The following ZZZ3 variants were observed in gnomAD, a reference collection of about 807,000 sequenced individuals.
ZZZ3 encodes zinc finger ZZ-type containing 3.
A neutral mutation model predicts 95.2 loss-of-function variants in ZZZ3; 22 were observed. The ratio of observed to expected loss-of-function variants is 0.23; its 90% CI spans 0.17 to 0.33. The LOEUF (loss-of-function observed/expected upper bound fraction) is 0.33. ZZZ3 is among the 10% of genes least tolerant of loss of function. The pLI is 1.00. For missense variants in ZZZ3, 885 were observed against 1,066.5 expected (o/e 0.83, Z 2.37); for synonymous variants, 335 against 358.9 (o/e 0.93, Z 0.75).
At chr1:77,598,454 C>T (rs74090671) in intron 5 of ZZZ3, among the ~76,000 whole-genome samples, 1,631 of 152,088 alleles carry the variant, frequency 0.011, 41 homozygotes, top group African/African-American at 0.037. Flanking sequence ...AGTGGACCTG[C>T]GCAGTTTGAA....
chr1:77,624,297 T>C (rs915445380), intron 5 of ZZZ3, among the ~76,000 whole-genome samples: 2 of 152,156 alleles, frequency 1.3e-5, no homozygotes, highest in East Asian at 3.8e-4. Context: ...TCCTGGATGA[T>C]AGGAGACCCT....
At chr1:77,668,097 A>C (rs1671412766) in intron 1 of ZZZ3, among the ~76,000 whole-genome samples, 1 of 152,002 alleles carries the variant, frequency 6.6e-6, no homozygotes. Flanking sequence ...TTTTCTTTTG[A>C]AAAAATTTAC....
chr1:77,678,971 A>G (rs1434191823), intron 1 of ZZZ3, among the ~76,000 whole-genome samples: 1 of 152,188 alleles, frequency 6.6e-6, no homozygotes, highest in Non-Finnish European at 1.5e-5. Context: ...ATTAATCACA[A>G]AGTGATATTC....
chr1:77,648,621 G>T (rs1159943591), intron 1 of ZZZ3, among the ~76,000 whole-genome samples: 1 of 152,086 alleles, frequency 6.6e-6, no homozygotes, highest in Non-Finnish European at 1.5e-5. Context: ...GACACTGAAA[G>T]AAAAGGTCAA....
At chr1:77,629,488 G>A (rs1415447477) in intron 5 of ZZZ3, among the ~76,000 whole-genome samples, 2 of 152,182 alleles carry the variant, frequency 1.3e-5, no homozygotes, top group East Asian at 1.9e-4. Flanking sequence ...GTGTGATGGC[G>A]TACACCTGTA....
chr1:77,630,575 A>G (rs1353185857), intron 5 of ZZZ3, among the ~76,000 whole-genome samples: 1 of 152,234 alleles, frequency 6.6e-6, no homozygotes, highest in African/African-American at 2.4e-5. Flanking sequence ...AACTTCATTT[A>G]TGAGTTGTTT....
intron 1 of ZZZ3, among the ~76,000 whole-genome samples, chr1:77,674,073 A>C (rs1374048657): frequency 1.3e-5 from 2 of 151,714 alleles, no homozygotes; most frequent in Non-Finnish European, 2.9e-5. Context: ...TTTAAAATCT[A>C]CTATTTACCC....
rs1667874215 is a variant in ZZZ3 at position 77,632,249 on chromosome 1, G to A, written c.1106C>T (p.Ser369Leu). ...AGTATAACGATGTTCTTGAGGTTCT[G>A]ATAAAGACATCATTTGAGCTGAAAC... ...DCVSAQMMSL[S>L]EPQEHRYTLR... The change falls in exon 5 of 15, where the codon TCA (serine) becomes TTA (leucine). Residue 369 changes from serine to leucine, a missense_variant. Ser to Leu is a moderately radical substitution (Grantham distance 145). Transcript: ENST00000370801. 6.2e-7 allele frequency: 1 copy of A among 1,614,072 alleles called. No individual in the cohort carries two copies. The highest frequency in any genetic ancestry group is 8.5e-7 in the Non-Finnish European group (1 of 1,180,020).
At chr1:77,565,918 CAT>C (rs1263124915) in intron 14 of ZZZ3, 134 bp from the exon 15 acceptor site, 3 of 1,150,770 alleles carry the variant, frequency 2.6e-6, no homozygotes, top group Non-Finnish European at 3.6e-6. Flanking sequence ...AGTTACTTGA[CAT>C]GTGGTATGAT....
intron 5 of ZZZ3, among the ~76,000 whole-genome samples, chr1:77,621,694 G>A (rs1427580113): frequency 1.3e-5 from 2 of 151,850 alleles, no homozygotes; most frequent in African/African-American, 4.8e-5. Context: ...GTACGCACCT[G>A]TAGTCCCAGC....
intron 1 of ZZZ3, among the ~76,000 whole-genome samples, chr1:77,673,366 G>A (rs1488590576): frequency 1.3e-5 from 2 of 152,158 alleles, no homozygotes; most frequent in Non-Finnish European, 2.9e-5. Context: ...GGAGGCTGAG[G>A]AGGGCAGATC....
chr1:77,618,186 T>C (rs1471833336), intron 5 of ZZZ3, among the ~76,000 whole-genome samples: 1 of 151,904 alleles, frequency 6.6e-6, no homozygotes, highest in African/African-American at 2.4e-5. Context: ...CACATACCTT[T>C]TTGCTGGAAG....
At chr1:77,681,050 T>C (rs1314226219) in intron 1 of ZZZ3, among the ~76,000 whole-genome samples, 1 of 152,186 alleles carries the variant, frequency 6.6e-6, no homozygotes, top group Non-Finnish European at 1.5e-5. Context: ...AACAGGCATA[T>C]ATCACTAAAT....
At chr1:77,574,159 T>C (rs1487443966) in intron 12 of ZZZ3, among the ~76,000 whole-genome samples, 1 of 148,030 alleles carries the variant, frequency 6.8e-6, no homozygotes, top group Admixed American at 6.8e-5. Context: ...TATAGATTTA[T>C]ATATAGATAT....
intron 5 of ZZZ3, among the ~76,000 whole-genome samples, chr1:77,607,408 T>C (rs1437678461): frequency 2.6e-5 from 4 of 152,204 alleles, no homozygotes; most frequent in African/African-American, 9.6e-5. Flanking sequence ...AGCCAAACCA[T>C]ATCAAACTGT....
At chr1:77,605,596 AAGGAG>A (rs559400626) in intron 5 of ZZZ3, among the ~76,000 whole-genome samples, 40 of 152,272 alleles carry the variant, frequency 2.6e-4, no homozygotes, top group African/African-American at 9.4e-4. Context: ...CACTTGAGGA[AAGGAG>A]AGAAGAGTAA....
chr1:77,616,146 C>T (rs1458122892), intron 5 of ZZZ3, among the ~76,000 whole-genome samples: 1 of 152,272 alleles, frequency 6.6e-6, no homozygotes, highest in East Asian at 1.9e-4. Context: ...TCTTTCCCCC[C>T]TCAATCGTTG....
chr1:77,573,114 C>T (rs1352213386), intron 12 of ZZZ3, among the ~76,000 whole-genome samples: 2 of 151,882 alleles, frequency 1.3e-5, no homozygotes, highest in African/African-American at 4.8e-5. Flanking sequence ...TCCTTTGAAG[C>T]ATTTTTTAAT....
intron 12 of ZZZ3, among the ~76,000 whole-genome samples, chr1:77,572,632 C>A (rs1661512762): frequency 6.6e-6 from 1 of 151,564 alleles, no homozygotes; most frequent in South Asian, 2.1e-4. Flanking sequence ...GACACTGCGC[C>A]CGGCCTTTTT....
Sources: gnomAD v4.1 joint callset for allele counts (sites outside exome capture counted in the v4.1 genomes callset) on GRCh38, gnomAD v4.1.1 for gene constraint, MANE v1.5 for transcripts, NCBI Gene and HGNC (gene_info 2026-07-23, HGNC 2026-07-21) for gene names.